The following EYA1 variants were observed in gnomAD, a reference collection of about 807,000 sequenced individuals.
EYA1 encodes the protein EYA transcriptional coactivator and phosphatase 1.
In EYA1, 16 loss-of-function variants were observed where a neutral mutation model predicts 82.0. That is an observed-to-expected ratio of 0.20 (90% CI 0.13 to 0.30). The LOEUF is 0.30. EYA1 is among the 10% of genes least tolerant of loss of function. The pLI is 1.00. For missense variants in EYA1, 633 were observed against 730.7 expected, an observed-to-expected ratio of 0.87 and a Z score of 1.54; for synonymous variants, 261 against 264.4, an observed-to-expected ratio of 0.99 and a Z score of 0.12.
intron 17 of EYA1, among the ~76,000 whole-genome samples, chr8:71,208,599 T>C (rs1808120062): frequency 6.6e-6 from 1 of 152,138 alleles, no homozygotes; most frequent in Non-Finnish European, 1.5e-5. Context: ...GATTAGAATC[T>C]ACCAGGAAGT....
At chr8:71,233,379 A>G (rs1250278686) in intron 12 of EYA1, among the ~76,000 whole-genome samples, 1 of 152,048 alleles carries the variant, frequency 6.6e-6, no homozygotes, top group Non-Finnish European at 1.5e-5. Context: ...CCTGGCTAAC[A>G]CAGTGAAACC....
Position 71,211,197 on chromosome 8 carries a change from C to T in EYA1, c.1657G>A (p.Val553Ile). 6.2e-7 allele frequency: 1 copy of T among 1,613,692 alleles called. No homozygotes were observed. Among genetic ancestry groups the T allele is most frequent in the Non-Finnish European group, 8.5e-7 (1 of 1,179,660 alleles). The change falls in exon 17 of 18, where the codon GTT becomes ATT. Residue 553 changes from valine to isoleucine, a missense_variant. Val to Ile is a conservative substitution (Grantham distance 29). Transcript: ENST00000340726. Reference protein sequence around the residue: ...QRFGRKVVYVVIGDGVEEEQG... With the variant: ...QRFGRKVVYVIIGDGVEEEQG... ...TCTTCTTCTACACCATCTCCTATAA[C>T]AACATACACCACTTTTCTTCCAAAC...
intron 2 of EYA1, among the ~76,000 whole-genome samples, chr8:71,507,189 G>A (rs762802446): frequency 6.6e-6 from 1 of 152,016 alleles, no homozygotes; most frequent in Non-Finnish European, 1.5e-5. Context: ...CTTTTTCTCT[G>A]CAGTATATAC....
intron 2 of EYA1, among the ~76,000 whole-genome samples, chr8:71,449,906 G>C (rs1477801605): frequency 1.3e-5 from 2 of 152,276 alleles, no homozygotes; most frequent in East Asian, 3.9e-4. Context: ...CTGAGTGCTT[G>C]CTTCATCCTA....
intron 2 of EYA1, among the ~76,000 whole-genome samples, chr8:71,466,775 C>CATATAT (rs1808800453): frequency 6.6e-6 from 1 of 151,994 alleles, no homozygotes; most frequent in Admixed American, 6.6e-5. Flanking sequence ...TATATGTTTA[C>CATATAT]AAGAAGAAAC....
At chr8:71,373,473 T>C (rs1229300220) in intron 2 of EYA1, among the ~76,000 whole-genome samples, 1 of 152,018 alleles carries the variant, frequency 6.6e-6, no homozygotes, top group Non-Finnish European at 1.5e-5. Context: ...GAAACATTGA[T>C]GAAAGAAATT....
chr8:71,240,803 G>A (rs1227023640), intron 12 of EYA1, among the ~76,000 whole-genome samples: 3 of 152,216 alleles, frequency 2.0e-5, no homozygotes, highest in Non-Finnish European at 4.4e-5. Flanking sequence ...CTGACCAGCA[G>A]CAGGTTAAAC....
chr8:71,308,172 G>A (rs748853455), intron 7 of EYA1, among the ~76,000 whole-genome samples: 8 of 151,936 alleles, frequency 5.3e-5, no homozygotes, highest in African/African-American at 7.3e-5. Context: ...TTTCTGAATC[G>A]GTAATGTTGA....
In EYA1 at chr8:71,446,656, T is replaced by C. The variant is rs78660242; in HGVS notation, c.33+89088A>G. The stretch of plus-strand genomic sequence containing the variant: ...AAGACAAGTGAACAGCAATTCACAC[T>C]TGGCATAAATGTTAAAAATCATCTT... On this transcript the variant is annotated intron_variant, in intron 2 of 18. Transcript: ENST00000643681. Among the ~76,000 whole-genome samples the C allele has an allele frequency of 2.5e-3, 380 of 152,342 alleles. 3 individuals carry two copies. The highest frequency in any genetic ancestry group is 8.9e-3 in the African/African-American group (370 of 41,572).
At chr8:71,454,273 A>G (rs186304620) in intron 2 of EYA1, among the ~76,000 whole-genome samples, 23 of 152,336 alleles carry the variant, frequency 1.5e-4, no homozygotes, top group Admixed American at 1.4e-3. Context: ...TCATAAAGCA[A>G]GCTGTTAGAG....
At chr8:71,220,464 G>A (rs1809755435) in intron 12 of EYA1, among the ~76,000 whole-genome samples, 1 of 152,154 alleles carries the variant, frequency 6.6e-6, no homozygotes, top group African/African-American at 2.4e-5. Flanking sequence ...CAGAGATAGT[G>A]ATTTCAAGGA....
intron 9 of EYA1, 50 bp from the exon 10 acceptor site, chr8:71,271,947 G>A: frequency 6.3e-7 from 1 of 1,599,212 alleles, no homozygotes; most frequent in Non-Finnish European, 8.6e-7. Context: ...TCACCATGGT[G>A]CCAAGATTAG....
chr8:71,231,355 G>T (rs1398509817), intron 12 of EYA1, among the ~76,000 whole-genome samples: 1 of 152,136 alleles, frequency 6.6e-6, no homozygotes, highest in African/African-American at 2.4e-5. Context: ...TGATGACATG[G>T]CTTCTGTCTT....
rs146832086 is a variant in EYA1 at position 71,204,829 on chromosome 8, C to T, written c.1699-5409G>A. Reference sequence around the variant, plus strand: ...ACTTATTATGAAACTTATTGTGCAACGTTGCTCTTTTATTTATATATCTGC... The same window carrying T: ...ACTTATTATGAAACTTATTGTGCAATGTTGCTCTTTTATTTATATATCTGC... On this transcript the variant is annotated intron_variant, in intron 17 of 17. Coordinates refer to ENST00000340726, the MANE Select transcript of EYA1 (RefSeq NM_000503.6). Among the ~76,000 whole-genome samples the T allele has an allele frequency of 1.4e-3, 216 of 152,230 alleles. 1 individual carries two copies. The highest frequency in any genetic ancestry group is 5.0e-3 in the African/African-American group (206 of 41,558).
chr8:71,221,098 G>T (rs761666275), intron 12 of EYA1, among the ~76,000 whole-genome samples: 4 of 152,228 alleles, frequency 2.6e-5, no homozygotes, highest in Non-Finnish European at 5.9e-5. Flanking sequence ...AGTTGCAAAG[G>T]TCTGAAGAAT....
chr8:71,391,809 C>T (rs1463893626), intron 2 of EYA1, among the ~76,000 whole-genome samples: 1 of 152,128 alleles, frequency 6.6e-6, no homozygotes, highest in Admixed American at 6.6e-5. Context: ...AAAGCCTTTG[C>T]CATGTTCTTT....
chr8:71,234,412 CT>C (rs752927531), intron 12 of EYA1, among the ~76,000 whole-genome samples: 59 of 152,284 alleles, frequency 3.9e-4, no homozygotes, highest in Non-Finnish European at 7.3e-4. Context: ...TCCCATCTGG[CT>C]GATGTCTTCC....
intron 2 of EYA1, among the ~76,000 whole-genome samples, chr8:71,465,406 C>G (rs1004704296): frequency 2.6e-5 from 4 of 152,060 alleles, no homozygotes; most frequent in African/African-American, 9.7e-5. Flanking sequence ...GAAAATCACT[C>G]AAGGCCAGGA....
At chr8:71,229,789 A>G (rs1810981847) in intron 12 of EYA1, among the ~76,000 whole-genome samples, 1 of 152,186 alleles carries the variant, frequency 6.6e-6, no homozygotes, top group African/African-American at 2.4e-5. Context: ...TTTCCTACCA[A>G]TTGAAAAGGA....
Sources: allele counts gnomAD v4.1 joint callset (sites outside exome capture counted in the v4.1 genomes callset), GRCh38; gene constraint gnomAD v4.1.1; transcripts MANE v1.5; gene names NCBI Gene and HGNC (gene_info 2026-07-23, HGNC 2026-07-21).